Variants in DIAPH2 observed in about 807,000 individuals in gnomAD.
DIAPH2 encodes diaphanous related formin 2.
In DIAPH2, 35 loss-of-function variants were observed where a neutral mutation model predicts 92.7. That is an observed-to-expected ratio of 0.38 (90% CI 0.29 to 0.50). The LOEUF is 0.50. Among genes scored for constraint, DIAPH2 ranks in the 20% least tolerant of loss-of-function variants. DIAPH2 has a pLI of 0.94. For missense variants in DIAPH2, 701 were observed against 819.5 expected (o/e 0.86, Z 1.77); for synonymous variants, 301 against 280.4 (o/e 1.07, Z -0.73).
chrX:97,381,920 C>G lies in DIAPH2; in HGVS notation c.3010-1989C>G, dbSNP rs1049294635. Among the ~76,000 whole-genome samples the G allele has an allele frequency of 2.8e-4, 31 of 111,005 alleles. 1 individual carries two copies. The highest frequency in any genetic ancestry group is 1.3e-4 in the Non-Finnish European group (7 of 52,942). On this transcript the variant is annotated intron_variant, in intron 24 of 26. Coordinates refer to ENST00000324765, the MANE Select transcript of DIAPH2 (RefSeq NM_006729.5). ...AAGTAACCAGCCGTTTTTTTTCCCT[C>G]CATCTTAATAAACTATGTGAGGAAT...
intron 13 of DIAPH2, among the ~76,000 whole-genome samples, 153 bp downstream of exon 13, chrX:96,942,289 G>T (rs2065709998): frequency 9.1e-6 from 1 of 110,459 alleles, no homozygotes; most frequent in African/African-American, 3.3e-5. Context: ...GCACTCAATT[G>T]CTGTAATTGT....
intron 22 of DIAPH2, among the ~76,000 whole-genome samples, chrX:97,164,580 T>C (rs1040373129): frequency 8.9e-6 from 1 of 112,410 alleles, no homozygotes; most frequent in African/African-American, 3.2e-5. Context: ...TTCTTATACA[T>C]TGACTTTACT....
chrX:97,424,008 A>G (rs1437004517), intron 25 of DIAPH2, among the ~76,000 whole-genome samples: 1 of 112,012 alleles, frequency 8.9e-6, no homozygotes, highest in Non-Finnish European at 1.9e-5. Context: ...ATTAAATCAC[A>G]TACAAAATTT....
At chrX:97,509,904 A>G (rs1308256443) in intron 26 of DIAPH2, among the ~76,000 whole-genome samples, 1 of 110,494 alleles carries the variant, frequency 9.1e-6, no homozygotes, top group Non-Finnish European at 1.9e-5. Flanking sequence ...AATCCAGTCT[A>G]TCATTGTTAG....
chrX:97,544,358 A>G (rs1371917018), intron 26 of DIAPH2, among the ~76,000 whole-genome samples: 1 of 112,574 alleles, frequency 8.9e-6, no homozygotes, highest in East Asian at 2.8e-4. Flanking sequence ...TAACCATGAC[A>G]TAGAGTATCT....
intron 4 of DIAPH2, among the ~76,000 whole-genome samples, chrX:96,873,071 T>TCCTC (rs1343376237): frequency 9.0e-6 from 1 of 111,634 alleles, no homozygotes; most frequent in Admixed American, 9.5e-5. Context: ...TTTCTCCACA[T>TCCTC]CCTCGCCAGC....
At chrX:97,485,387 T>C (rs955759378) in intron 26 of DIAPH2, among the ~76,000 whole-genome samples, 2 of 111,700 alleles carry the variant, frequency 1.8e-5, no homozygotes, top group African/African-American at 6.5e-5. Context: ...TTGCCCCACC[T>C]CACAGCCTTG....
chrX:97,437,894 G>A lies in DIAPH2; in HGVS notation c.3241+8149G>A, dbSNP rs1406344822. Among the ~76,000 whole-genome samples the A allele has an allele frequency of 1.3e-4, 14 of 109,867 alleles. 1 individual carries two copies. In the Admixed American group the frequency reaches 1.4e-3, roughly 11 times the overall value. ...CACCCAGAAAGGACATCTCAAATGA[G>A]AGGGTTGAGGATGGTACATTTGGGA... On this transcript the variant is annotated intron_variant, in intron 26 of 26. Transcript: ENST00000324765.
At chrX:97,326,072 T>C (rs1173371432) in intron 23 of DIAPH2, among the ~76,000 whole-genome samples, 1 of 112,601 alleles carries the variant, frequency 8.9e-6, no homozygotes, top group Non-Finnish European at 1.9e-5. Context: ...AGGAAGTCTT[T>C]GTGAATTTAA....
At chrX:97,083,054 T>C (rs984724364) in intron 19 of DIAPH2, among the ~76,000 whole-genome samples, 1 of 112,375 alleles carries the variant, frequency 8.9e-6, no homozygotes, top group South Asian at 3.7e-4. Flanking sequence ...TCAAAACCTT[T>C]CCTTCTATAC....
intron 22 of DIAPH2, among the ~76,000 whole-genome samples, chrX:97,189,980 G>A (rs2067639460): frequency 8.8e-6 from 1 of 113,140 alleles, no homozygotes; most frequent in Non-Finnish European, 1.9e-5. Flanking sequence ...TTTGGCTCAG[G>A]AGAAAAACTC....
chrX:96,883,202 T>C lies in DIAPH2; in HGVS notation c.587+1484T>C, dbSNP rs3138314. 3.6e-5 allele frequency among the ~76,000 whole-genome samples: 4 copies of C among 110,406 alleles called. No homozygotes were observed. In the Admixed American group the frequency reaches 3.9e-4, roughly 11 times the overall value. On this transcript the variant is annotated intron_variant, in intron 5 of 26. Transcript: ENST00000324765. ...TTGGATTTATGTATAAATTGAAATATATTAATTACTTATTTATAGTGCACT... is the reference window on the plus strand; with the variant it reads ...TTGGATTTATGTATAAATTGAAATACATTAATTACTTATTTATAGTGCACT...
At chrX:97,540,430 T>C (rs141087373) in intron 26 of DIAPH2, among the ~76,000 whole-genome samples, 1,760 of 112,063 alleles carry the variant, frequency 0.016, 34 homozygotes, top group African/African-American at 0.054. Context: ...AAATATGCTA[T>C]ATCATTTATC....
At chrX:96,823,560 G>A (rs1290842959) in intron 4 of DIAPH2, among the ~76,000 whole-genome samples, 1 of 110,633 alleles carries the variant, frequency 9.0e-6, no homozygotes, top group East Asian at 2.8e-4. Flanking sequence ...GAGAAATTAT[G>A]GTGATTTTTA....
chrX:97,122,011 C>G (rs2067061942), intron 21 of DIAPH2, among the ~76,000 whole-genome samples: 1 of 111,833 alleles, frequency 8.9e-6, no homozygotes, highest in Non-Finnish European at 1.9e-5. Context: ...AGTAAAGGTA[C>G]AAGTTGGGGC....
At chrX:97,407,652 A>G (rs906447692) in intron 25 of DIAPH2, among the ~76,000 whole-genome samples, 12 of 112,221 alleles carry the variant, frequency 1.1e-4, no homozygotes, top group Non-Finnish European at 1.9e-4. Context: ...TTGAAATTGT[A>G]AATCTTTTCT....
intron 12 of DIAPH2, 74 bp from the exon 13 acceptor site, chrX:96,941,944 T>C (rs1161303450): frequency 1.4e-5 from 8 of 569,327 alleles, no homozygotes; most frequent in African/African-American, 4.7e-5. Context: ...TCTTCTAATA[T>C]GTTGAATGTT....
intron 22 of DIAPH2, among the ~76,000 whole-genome samples, chrX:97,159,421 A>G (rs2067348657): frequency 8.9e-6 from 1 of 112,563 alleles, no homozygotes; most frequent in Non-Finnish European, 1.9e-5. Context: ...AGGGTTAAAG[A>G]AAACTTTTTT....
intron 17 of DIAPH2, among the ~76,000 whole-genome samples, chrX:97,002,487 A>T (rs1230699136): frequency 9.0e-6 from 1 of 111,230 alleles, no homozygotes; most frequent in Non-Finnish European, 1.9e-5. Flanking sequence ...TTCATAGAAG[A>T]CTTTAGTTGT....
Sources: allele counts gnomAD v4.1 joint callset (sites outside exome capture counted in the v4.1 genomes callset), GRCh38; gene constraint gnomAD v4.1.1; transcripts MANE v1.5; gene names NCBI Gene and HGNC (gene_info 2026-07-23, HGNC 2026-07-21).